Variants in AKIRIN1 observed in about 807,000 individuals in gnomAD.
The protein encoded by AKIRIN1 is akirin 1.
AKIRIN1 carries 4 observed loss-of-function variants against 25.9 expected under a neutral mutation model. The ratio of observed to expected loss-of-function variants is 0.15; its 90% confidence interval spans 0.08 to 0.35. The LOEUF is 0.35. Ranked by LOEUF, AKIRIN1 falls within the 10% of genes least tolerant of loss-of-function variation. The pLI, the probability that AKIRIN1 is intolerant of heterozygous loss-of-function variation, is 1.00. For missense variants in AKIRIN1, 243 were observed against 266.1 expected, an observed-to-expected ratio of 0.91 and a Z score of 0.61; for synonymous variants, 125 against 105.1, an observed-to-expected ratio of 1.19 and a Z score of -1.16.
intron 2 of AKIRIN1, among the ~76,000 whole-genome samples, chr1:38,999,106 C>G (rs1057270551): frequency 1.3e-5 from 2 of 152,154 alleles, no homozygotes; most frequent in African/African-American, 4.8e-5. Context: ...TGTAGTGACT[C>G]AGTTTTGCCT....
intron 1 of AKIRIN1, among the ~76,000 whole-genome samples, chr1:38,995,726 G>A (rs1022465722): frequency 6.6e-6 from 1 of 152,162 alleles, no homozygotes; most frequent in Non-Finnish European, 1.5e-5. Flanking sequence ...GCTCTGGCTT[G>A]AGGAATAAGA....
Position 39,004,504 on chromosome 1 carries a change from T to TA in AKIRIN1, c.*456dup, listed in dbSNP as rs1288650890. 8 of 277,912 alleles carry TA rather than the reference T, an allele frequency of 2.9e-5. No individual in the cohort carries two copies. Among genetic ancestry groups the TA allele is most frequent in the Non-Finnish European group, 4.9e-5 (7 of 142,022 alleles). The allele number at this position is 277,912 out of a possible 1,614,324, so 17.2% of individuals were successfully genotyped here. On this transcript the variant is annotated 3_prime_UTR_variant, in exon 5 of 5. Transcript: ENST00000432648. ...TGAATTTGGTGCACGACAATTATGG[T>TA]AAAAAAACATTTGCTTGGTCTAAAG... is the stretch of plus-strand genomic sequence containing the variant.
At chr1:38,994,713 A>C in intron 1 of AKIRIN1, among the ~76,000 whole-genome samples, 2 of 67,372 alleles carry the variant, frequency 3.0e-5, no homozygotes, top group African/African-American at 5.9e-5. Context: ...TTTTGAGATG[A>C]CGTTTCGCTC....
In AKIRIN1 at chr1:38,991,364, C is replaced by T. The variant is rs1293461469; in HGVS notation, c.-17C>T. The T allele has an allele frequency of 7.5e-7, 1 of 1,339,500 alleles. No homozygotes were observed. The highest frequency in any genetic ancestry group is 9.5e-7 in the Non-Finnish European group (1 of 1,047,874). The allele number at this position is 1,339,500 out of a possible 1,614,324, so 83.0% of individuals were successfully genotyped here. A position where few individuals can be genotyped will look rare whatever the true frequency, so the allele number is the denominator to read the frequency against. On this transcript the variant is annotated 5_prime_UTR_variant, in exon 1 of 5. Transcript: ENST00000432648. ...CTTACCGCCGCGTCCGCTCCCGGTC[C>T]CTGGCCCCTCAGCGGCATGGCGTGC...
At chr1:38,998,015 G>T (rs1319386919) in intron 1 of AKIRIN1, among the ~76,000 whole-genome samples, 156 bp from the exon 2 acceptor site, 1 of 152,104 alleles carries the variant, frequency 6.6e-6, no homozygotes, top group Non-Finnish European at 1.5e-5. Context: ...TAAACGTTTT[G>T]CTTGTTTATG....
chr1:39,000,910 G>T (rs1643986195), intron 2 of AKIRIN1, 62 bp from the exon 3 acceptor site: 2 of 1,524,548 alleles, frequency 1.3e-6, no homozygotes, highest in Admixed American at 4.3e-5. Flanking sequence ...GCCTCCCAAA[G>T]TGCTGGGATT....
chr1:38,997,727 T>C (rs760881983), intron 1 of AKIRIN1, among the ~76,000 whole-genome samples: 1 of 152,172 alleles, frequency 6.6e-6, no homozygotes, highest in Non-Finnish European at 1.5e-5. Flanking sequence ...TCTTGGGCAG[T>C]ATGAGACTCA....
chr1:39,004,571 G>GTC lies in AKIRIN1; in HGVS notation c.*516_*517insTC. ...TGTGACCATACAAGTTGTAACAGTGGATTGTTTTTATGTGTAGGTATTGTT... is the reference window on the plus strand; with the variant it reads ...TGTGACCATACAAGTTGTAACAGTGGTCATTGTTTTTATGTGTAGGTATTGTT... On this transcript the variant is annotated 3_prime_UTR_variant, in exon 5 of 5. Coordinates refer to ENST00000432648, the MANE Select transcript of AKIRIN1 (RefSeq NM_024595.3). 1 of 217,582 alleles carries GTC rather than the reference G, an allele frequency of 4.6e-6. No homozygotes were observed. Among genetic ancestry groups the GTC allele is most frequent in the Non-Finnish European group, 9.3e-6 (1 of 107,192 alleles). 13.5% of individuals were successfully genotyped at this position (217,582 alleles called of 1,614,324 possible).
chr1:38,991,810 G>A (rs1643908210), intron 1 of AKIRIN1, among the ~76,000 whole-genome samples: 1 of 152,148 alleles, frequency 6.6e-6, no homozygotes, highest in South Asian at 2.1e-4. Context: ...TCGGTTTTAG[G>A]TTTTCCTGGG....
At chr1:38,993,890 G>A (rs1473918644) in intron 1 of AKIRIN1, among the ~76,000 whole-genome samples, 2 of 151,836 alleles carry the variant, frequency 1.3e-5, no homozygotes, top group Non-Finnish European at 2.9e-5. Context: ...GACACACATG[G>A]AGAAATCCTG....
intron 3 of AKIRIN1, 114 bp downstream of exon 3, chr1:39,001,220 T>G: frequency 1.5e-6 from 2 of 1,291,666 alleles, no homozygotes; most frequent in South Asian, 3.3e-5. Context: ...TTTATTGAGT[T>G]GCGGGTATGG....
At chr1:38,998,388 C>T (rs1286754326) in intron 2 of AKIRIN1, 77 bp downstream of exon 2, 15 of 1,444,380 alleles carry the variant, frequency 1.0e-5, no homozygotes, top group Admixed American at 2.3e-5. Context: ...TAGAATTGGC[C>T]TCCTCTAATG....
intron 1 of AKIRIN1, among the ~76,000 whole-genome samples, chr1:38,992,798 G>C (rs1298859503): frequency 1.3e-5 from 2 of 151,958 alleles, no homozygotes; most frequent in African/African-American, 4.8e-5. Context: ...ACCGCTCTGT[G>C]CCCTTATCAT....
intron 1 of AKIRIN1, among the ~76,000 whole-genome samples, chr1:38,992,808 T>C (rs1643918186): frequency 6.6e-6 from 1 of 152,196 alleles, no homozygotes; most frequent in Non-Finnish European, 1.5e-5. Flanking sequence ...GCCCTTATCA[T>C]GTTTTTCCCT....
At chr1:38,996,514 T>G (rs931653808) in intron 1 of AKIRIN1, among the ~76,000 whole-genome samples, 1 of 149,384 alleles carries the variant, frequency 6.7e-6, no homozygotes, top group Non-Finnish European at 1.5e-5. Flanking sequence ...ATAGCACTCT[T>G]GTTTTTTTGT....
At position 38,992,826 on chromosome 1, in the gene AKIRIN1, GC is replaced by G. The variant is rs142576226; in HGVS notation, c.220+1227del. On this transcript the variant is annotated intron_variant, in intron 1 of 4. Transcript: ENST00000432648. ...CTTATCATGTTTTTCCCTTCTATTT[GC>G]TAATCCCAAAAGAGTAATTTCAAGT... Among the ~76,000 whole-genome samples, 952 of 151,904 alleles carry G rather than the reference GC, an allele frequency of 6.3e-3. 5 individuals carry two copies. The highest frequency in any genetic ancestry group is 0.022 in the African/African-American group (915 of 41,384).
At chr1:38,991,690 G>C (rs1301482820) in intron 1 of AKIRIN1, 90 bp downstream of exon 1, 1 of 1,158,656 alleles carries the variant, frequency 8.6e-7, no homozygotes, top group Non-Finnish European at 1.1e-6. Flanking sequence ...TACCAGGCCA[G>C]TTTACCCAGG....
At position 39,004,417 on chromosome 1, in the gene AKIRIN1, G is replaced by T; in HGVS notation, c.*362G>T. ...AGAGTGTGTGTATATGTGTGTATGT[G>T]TATTTTAAGTTATTATTTGTATTGT... On this transcript the variant is annotated 3_prime_UTR_variant, in exon 5 of 5. Coordinates refer to ENST00000432648, the MANE Select transcript of AKIRIN1 (RefSeq NM_024595.3). 8.7e-6 allele frequency: 3 copies of T among 343,464 alleles called. No homozygotes were observed. Among genetic ancestry groups the T allele is most frequent in the Non-Finnish European group, 1.1e-5 (2 of 182,902 alleles). 21.3% of individuals were successfully genotyped at this position (343,464 alleles called of 1,614,324 possible). A position where few individuals can be genotyped will look rare whatever the true frequency, so the allele number is the denominator to read the frequency against.
chr1:38,998,692 T>G (rs1307906135), intron 2 of AKIRIN1, among the ~76,000 whole-genome samples: 1 of 151,734 alleles, frequency 6.6e-6, no homozygotes, highest in Non-Finnish European at 1.5e-5. Context: ...TCTCCTGAGG[T>G]CAAGAGTTCA....
Sources: allele counts gnomAD v4.1 joint callset (sites outside exome capture counted in the v4.1 genomes callset), GRCh38; gene constraint gnomAD v4.1.1; transcripts MANE v1.5; gene names NCBI Gene and HGNC (gene_info 2026-07-23, HGNC 2026-07-21).